Variants in ARHGEF38 observed in about 807,000 individuals in gnomAD.
ARHGEF38 encodes Rho guanine nucleotide exchange factor 38.
In ARHGEF38, 79 loss-of-function variants were observed where a neutral mutation model predicts 79.9. That is an observed-to-expected ratio of 0.99 (90% CI 0.82 to 1.19). ARHGEF38 has a LOEUF of 1.19. ARHGEF38 is among the 50% of genes most tolerant of loss of function. The pLI, the probability that ARHGEF38 is intolerant of heterozygous loss-of-function variation, is 0.00. For missense variants in ARHGEF38, 962 were observed against 907.2 expected (o/e 1.06, Z -0.78); for synonymous variants, 366 against 328.3 (o/e 1.11, Z -1.24).
intron 12 of ARHGEF38, 36 bp from the exon 13 acceptor site, chr4:105,667,408 G>A: frequency 6.5e-7 from 1 of 1,534,436 alleles, no homozygotes; most frequent in Non-Finnish European, 8.7e-7. Flanking sequence ...GTATACCCAT[G>A]AACTTGGTTC....
At chr4:105,589,155 C>A in intron 1 of ARHGEF38, 93 bp from the exon 2 acceptor site, 2 of 1,016,020 alleles carry the variant, frequency 2.0e-6, no homozygotes, top group Non-Finnish European at 2.8e-6. Flanking sequence ...AGCCTTTTTC[C>A]TTGTTAACAA....
intron 1 of ARHGEF38, among the ~76,000 whole-genome samples, chr4:105,572,100 C>G (rs563937108): frequency 6.6e-6 from 1 of 152,236 alleles, no homozygotes; most frequent in South Asian, 2.1e-4. Context: ...CTTTATAAAC[C>G]TACCTTTCTA....
intron 3 of ARHGEF38, among the ~76,000 whole-genome samples, chr4:105,623,235 G>A (rs1249874622): frequency 6.6e-6 from 1 of 152,206 alleles, no homozygotes; most frequent in African/African-American, 2.4e-5. Flanking sequence ...ATAATAGTAA[G>A]CGTGCAGTGC....
chr4:105,658,938 T>C, intron 9 of ARHGEF38, 116 bp from the exon 10 acceptor site: 1 of 881,902 alleles, frequency 1.1e-6, no homozygotes, highest in South Asian at 1.8e-5. Flanking sequence ...GGGTAGGTGC[T>C]TTCCTGTTTT....
chr4:105,571,653 A>G (rs909890707), intron 1 of ARHGEF38, among the ~76,000 whole-genome samples: 1 of 152,008 alleles, frequency 6.6e-6, no homozygotes, highest in Non-Finnish European at 1.5e-5. Flanking sequence ...GATTTTTGAT[A>G]TTTTGCGTTG....
intron 2 of ARHGEF38, among the ~76,000 whole-genome samples, chr4:105,590,735 A>C (rs1727296703): frequency 6.6e-6 from 1 of 152,220 alleles, no homozygotes; most frequent in South Asian, 2.1e-4. Flanking sequence ...TGCCAAACAG[A>C]AAGTCAATAT....
rs1158990856 is a variant in ARHGEF38, at chr4:105,667,307, G to A, written c.1868G>A (p.Arg623Lys). The change falls in exon 12 of 14, where the codon AGG (arginine) becomes AAG (lysine). Residue 623 changes from arginine to lysine, a missense_variant. Arg to Lys is a conservative substitution (Grantham distance 26). Transcript: ENST00000420470. ...AAAGATCCACTGGGGAGTACAAGCA[G>A]GTGGCTTGTGGACACAGGAAGTAAG... is the stretch of plus-strand genomic sequence containing the variant. ...EQKDPLGSTS[R>K]WLVDTGNVKG... 9 of 1,536,012 alleles carry A rather than the reference G, an allele frequency of 5.9e-6. No homozygotes were observed. The Admixed American group carries it at 1.8e-4, about 30-fold the overall frequency.
chr4:105,625,253 T>C (rs1351387513), intron 3 of ARHGEF38, among the ~76,000 whole-genome samples: 1 of 152,160 alleles, frequency 6.6e-6, no homozygotes, highest in East Asian at 1.9e-4. Flanking sequence ...AATGTAAAAA[T>C]GGGTAGTATA....
intron 2 of ARHGEF38, among the ~76,000 whole-genome samples, 163 bp downstream of exon 2, chr4:105,589,598 C>T (rs1424244999): frequency 6.6e-6 from 1 of 152,068 alleles, no homozygotes; most frequent in Non-Finnish European, 1.5e-5. Flanking sequence ...AAAACAAAGT[C>T]CTGCCCTTGT....
chr4:105,617,662 G>T (rs1338890962), intron 3 of ARHGEF38, among the ~76,000 whole-genome samples: 1 of 152,140 alleles, frequency 6.6e-6, no homozygotes, highest in Non-Finnish European at 1.5e-5. Context: ...TCAGTTGGAA[G>T]TCTTTAGTTA....
At chr4:105,569,992 C>G (rs1316949479) in intron 1 of ARHGEF38, 1 of 152,288 alleles carries the variant, frequency 6.6e-6, no homozygotes, top group South Asian at 2.1e-4. Flanking sequence ...GCCTCCCTGT[C>G]CAGCAAAATT....
intron 6 of ARHGEF38, among the ~76,000 whole-genome samples, chr4:105,648,288 AG>A (rs1025746666): frequency 5.3e-5 from 8 of 152,042 alleles, no homozygotes; most frequent in African/African-American, 1.9e-4. Flanking sequence ...TTCTAGTATC[AG>A]GGATTTCTTT....
At chr4:105,630,251 T>TC (rs1362955086) in intron 3 of ARHGEF38, among the ~76,000 whole-genome samples, 1 of 140,782 alleles carries the variant, frequency 7.1e-6, no homozygotes, top group Non-Finnish European at 1.5e-5. Context: ...CTGCAACTCT[T>TC]TTTTTTTTTT....
rs540278862 is a variant in ARHGEF38, at chr4:105,667,056, A to G, written c.1690-73A>G. On this transcript the variant is annotated intron_variant, in intron 11 of 13. Coordinates refer to ENST00000420470, the MANE Select transcript of ARHGEF38 (RefSeq NM_001242729.2). The stretch of plus-strand genomic sequence containing the variant: ...CTACGTTTTAAAAATCTCCAGGGAA[A>G]AAATATTTACCAACTCCATGAGGAT... The G allele has an allele frequency of 4.9e-5, 64 of 1,299,926 alleles. No individual in the cohort carries two copies. The East Asian group carries it at 1.6e-3, about 32-fold the overall frequency. The allele number at this position is 1,299,926 out of a possible 1,614,324, so 80.5% of individuals were successfully genotyped here.
Position 105,596,462 on chromosome 4 carries a change from C to G in ARHGEF38, c.384+7027C>G, listed in dbSNP as rs190588365. Among the ~76,000 whole-genome samples, 252 of 152,136 alleles carry G rather than the reference C, an allele frequency of 1.7e-3. 3 individuals carry two copies. The highest frequency in any genetic ancestry group is 2.8e-3 in the Non-Finnish European group (189 of 67,998). ...AGGGCTCACCAACTCCCTGAGAACACAGTATAGATCCAAGTATCCCTGAAA... is the reference window on the plus strand; with the variant it reads ...AGGGCTCACCAACTCCCTGAGAACAGAGTATAGATCCAAGTATCCCTGAAA... On this transcript the variant is annotated intron_variant, in intron 2 of 13. Coordinates refer to ENST00000420470, the MANE Select transcript of ARHGEF38 (RefSeq NM_001242729.2).
chr4:105,577,539 C>T (rs1348444335), intron 1 of ARHGEF38, among the ~76,000 whole-genome samples: 2 of 151,870 alleles, frequency 1.3e-5, no homozygotes, highest in Admixed American at 6.6e-5. Context: ...GTGAATCCAT[C>T]TGGTCCTGGG....
chr4:105,599,070 T>A (rs1296791574), intron 2 of ARHGEF38, among the ~76,000 whole-genome samples: 1 of 152,204 alleles, frequency 6.6e-6, no homozygotes, highest in East Asian at 1.9e-4. Context: ...TGCTGTCATA[T>A]TGGATTCAGA....
intron 13 of ARHGEF38, among the ~76,000 whole-genome samples, chr4:105,670,707 C>A (rs1578367074): frequency 6.6e-6 from 1 of 152,158 alleles, no homozygotes; most frequent in Non-Finnish European, 1.5e-5. Context: ...TTCTAAAAAA[C>A]ATATTATAAT....
At chr4:105,664,978 C>G (rs935912844) in intron 10 of ARHGEF38, among the ~76,000 whole-genome samples, 22 of 152,174 alleles carry the variant, frequency 1.4e-4, no homozygotes, top group African/African-American at 5.3e-4. Context: ...AGCCAGAGAG[C>G]AAGAAAGCTG....
Sources: allele counts gnomAD v4.1 joint callset (sites outside exome capture counted in the v4.1 genomes callset), GRCh38; gene constraint gnomAD v4.1.1; transcripts MANE v1.5; gene names NCBI Gene and HGNC (gene_info 2026-07-23, HGNC 2026-07-21).